CPPED1: variants seen among roughly 807,000 people sequenced by gnomAD.
CPPED1 encodes the protein serine/threonine-protein phosphatase CPPED1.
In CPPED1, 28 loss-of-function variants were observed where a neutral mutation model predicts 28.0. That is an observed-to-expected ratio of 1.00 (90% confidence interval 0.74 to 1.37). The LOEUF (loss-of-function observed/expected upper bound fraction) is 1.37. CPPED1 is among the 40% of genes most tolerant of loss of function. The pLI is 0.00. For synonymous variants in CPPED1, 198 were observed against 180.2 expected (o/e 1.10, Z -0.79); for missense variants, 504 against 416.5 (o/e 1.21, Z -1.83).
chr16:12,696,252 G>C (rs2079989570), intron 3 of CPPED1, among the ~76,000 whole-genome samples: 1 of 152,050 alleles, frequency 6.6e-6, no homozygotes, highest in Admixed American at 6.6e-5. Context: ...GCCTGTCCTG[G>C]AGATTCTCAA....
chr16:12,750,831 C>T (rs146429075), intron 2 of CPPED1, among the ~76,000 whole-genome samples: 356 of 151,874 alleles, frequency 2.3e-3, no homozygotes, highest in African/African-American at 8.1e-3. Flanking sequence ...ATTAGCCAGG[C>T]GTGGTGCCTC....
chr16:12,734,471 C>G (rs993086262), intron 2 of CPPED1, among the ~76,000 whole-genome samples: 22 of 152,266 alleles, frequency 1.4e-4, no homozygotes, highest in African/African-American at 5.3e-4. Context: ...GCTCCGCCTC[C>G]TGGGTTCACA....
intron 2 of CPPED1, chr16:12,760,267 C>T (rs2080400811): frequency 6.6e-6 from 1 of 152,164 alleles, no homozygotes; most frequent in African/African-American, 2.4e-5. Flanking sequence ...TATCAGGGAC[C>T]TGAGGACTGG....
intron 1 of CPPED1, among the ~76,000 whole-genome samples, chr16:12,781,998 G>A (rs554606476): frequency 7.9e-4 from 120 of 152,156 alleles, no homozygotes; most frequent in Non-Finnish European, 1.4e-3. Context: ...AAGAAAAATC[G>A]ATGCTAACAT....
chr16:12,750,584 G>T (rs188114600), intron 2 of CPPED1, among the ~76,000 whole-genome samples: 1 of 152,132 alleles, frequency 6.6e-6, no homozygotes, highest in Non-Finnish European at 1.5e-5. Flanking sequence ...AAAGATCACC[G>T]ATCACAGATC....
At chr16:12,689,114 A>G (rs2079948764) in intron 3 of CPPED1, among the ~76,000 whole-genome samples, 1 of 151,902 alleles carries the variant, frequency 6.6e-6, no homozygotes, top group African/African-American at 2.4e-5. Context: ...ACAGAGTACA[A>G]TGAGCTGTGG....
In CPPED1 at chr16:12,797,334, C is replaced by A. The variant is rs549708563; in HGVS notation, c.70+6373G>T. 1.1e-4 allele frequency among the ~76,000 whole-genome samples: 16 copies of A among 152,208 alleles called. No individual in the cohort carries two copies. The South Asian group carries it at 1.7e-3, about 16-fold the overall frequency. On this transcript the variant is annotated intron_variant, in intron 1 of 3. Transcript: ENST00000381774. The stretch of plus-strand genomic sequence containing the variant: ...TGGAGGCTAAGGCAGGAGGATTGCT[C>A]GGGTCCAAGAGTTCAAGACTAACCT...
At chr16:12,766,242 A>AATATATAT (rs71393703) in intron 2 of CPPED1, among the ~76,000 whole-genome samples, 2,754 of 126,186 alleles carry the variant, frequency 0.022, 45 homozygotes, top group Non-Finnish European at 0.024. Context: ...AAAAAATACA[A>AATATATAT]ATATATATAT....
chr16:12,675,055 C>T (rs1345585559), intron 3 of CPPED1, among the ~76,000 whole-genome samples: 1 of 152,214 alleles, frequency 6.6e-6, no homozygotes, highest in African/African-American at 2.4e-5. Flanking sequence ...TGCCGACAGG[C>T]CACAAGGACC....
Position 12,665,105 on chromosome 16 carries a change from G to A in CPPED1, c.726C>T (p.Val242=), listed in dbSNP as rs781680954. The part of the protein sequence containing the change: ...ADKFIHAGVK[V]VFSGHYHRNA... The stretch of plus-strand genomic sequence containing the variant: ...TCCTGTGGTAGTGGCCTGAGAACAC[G>A]ACTTTGACACCTGCAGAGAAGGGAA... The change falls in exon 4 of 4, where the codon GTC becomes GTT. Residue 242 remains valine (V), a synonymous_variant. Transcript: ENST00000381774. 8 of 1,598,520 alleles carry A rather than the reference G, an allele frequency of 5.0e-6. No individual in the cohort carries two copies. The highest frequency in any genetic ancestry group is 1.7e-4 in the Middle Eastern group (1 of 5,994).
chr16:12,694,188 A>G (rs1567277999), intron 3 of CPPED1, among the ~76,000 whole-genome samples: 1 of 152,188 alleles, frequency 6.6e-6, no homozygotes, highest in African/African-American at 2.4e-5. Flanking sequence ...CCTCGGTGAC[A>G]GAGTGAGACC....
At chr16:12,796,149 C>T (rs1244035582) in intron 1 of CPPED1, among the ~76,000 whole-genome samples, 1 of 151,530 alleles carries the variant, frequency 6.6e-6, no homozygotes, top group African/African-American at 2.4e-5. Context: ...CTTCTTGCTC[C>T]TCAAGAATTT....
At chr16:12,694,389 G>A (rs1044495964) in intron 3 of CPPED1, among the ~76,000 whole-genome samples, 2 of 152,008 alleles carry the variant, frequency 1.3e-5, no homozygotes, top group Admixed American at 1.3e-4. Flanking sequence ...ATTTACACAC[G>A]CCAGATTCTC....
intron 2 of CPPED1, among the ~76,000 whole-genome samples, chr16:12,730,924 A>T (rs1468090914): frequency 6.6e-6 from 1 of 152,132 alleles, no homozygotes; most frequent in Non-Finnish European, 1.5e-5. Flanking sequence ...ATTTTTAGCT[A>T]TCCTTGGGTA....
In CPPED1 at chr16:12,803,427, T is replaced by G. The variant is rs540989015; in HGVS notation, c.70+280A>C. Among the ~76,000 whole-genome samples the G allele has an allele frequency of 3.9e-5, 6 of 152,326 alleles. No individual in the cohort carries two copies. The East Asian group carries it at 1.2e-3, about 29-fold the overall frequency. Reference sequence around the variant, plus strand: ...TCTCGCTGCAGAGTCCAAGCTGTCATTAACTATGCTTTGCTACCCTCCTCT... The same window carrying G: ...TCTCGCTGCAGAGTCCAAGCTGTCAGTAACTATGCTTTGCTACCCTCCTCT... On this transcript the variant is annotated intron_variant, in intron 1 of 3. Coordinates refer to ENST00000381774, the MANE Select transcript of CPPED1 (RefSeq NM_018340.3).
chr16:12,716,156 G>C (rs1468541235), intron 2 of CPPED1, among the ~76,000 whole-genome samples: 2 of 152,222 alleles, frequency 1.3e-5, no homozygotes, highest in African/African-American at 4.8e-5. Context: ...ATGTAATTGT[G>C]AATGTCACTG....
At chr16:12,739,645 T>G (rs1012828281) in intron 2 of CPPED1, among the ~76,000 whole-genome samples, 5 of 152,040 alleles carry the variant, frequency 3.3e-5, no homozygotes, top group African/African-American at 1.2e-4. Flanking sequence ...TTGCTACGAG[T>G]AGGCTAACCT....
At chr16:12,756,700 T>C (rs757780654) in intron 2 of CPPED1, among the ~76,000 whole-genome samples, 1 of 151,942 alleles carries the variant, frequency 6.6e-6, no homozygotes, top group African/African-American at 2.4e-5. Context: ...CAAGACTCTG[T>C]CTAAAAAATT....
chr16:12,705,958 C>T (rs776961593), intron 2 of CPPED1, among the ~76,000 whole-genome samples: 1 of 152,118 alleles, frequency 6.6e-6, no homozygotes, highest in African/African-American at 2.4e-5. Flanking sequence ...GTTAAGTTGT[C>T]GCTGTAACTG....
Sources: gnomAD v4.1 joint callset for allele counts (sites outside exome capture counted in the v4.1 genomes callset) on GRCh38, gnomAD v4.1.1 for gene constraint, MANE v1.5 for transcripts, NCBI Gene and HGNC (gene_info 2026-07-23, HGNC 2026-07-21) for gene names.